KAZN: variants seen among roughly 807,000 people sequenced by gnomAD.
The protein encoded by KAZN is kazrin, periplakin interacting protein, also known as kazrin.
In KAZN, 40 loss-of-function variants were observed where a neutral mutation model predicts 87.4. The observed-to-expected ratio is 0.46, with a 90% CI of 0.36 to 0.60. KAZN has a LOEUF of 0.60. Among genes scored for constraint, KAZN ranks in the 20% least tolerant of loss-of-function variants. The pLI, the probability that KAZN is intolerant of heterozygous loss-of-function variation, is 0.00. For missense variants in KAZN, 898 were observed against 1,073.9 expected (o/e 0.84, Z 2.29); for synonymous variants, 466 against 458.3 (o/e 1.02, Z -0.22).
chr1:14,847,768 G>C (rs1648957510), intron 1 of KAZN, among the ~76,000 whole-genome samples: 1 of 152,222 alleles, frequency 6.6e-6, no homozygotes, highest in Non-Finnish European at 1.5e-5. Flanking sequence ...ATCAGTTGAG[G>C]CCAGGAGTTG....
At chr1:15,065,027 C>CTTTCTT (rs1553183916) in intron 7 of KAZN, among the ~76,000 whole-genome samples, 6 of 102,736 alleles carry the variant, frequency 5.8e-5, no homozygotes, top group African/African-American at 2.3e-4. Flanking sequence ...CTTTTTCTTT[C>CTTTCTT]TTTTTTTTTT....
At chr1:14,984,518 C>G (rs923212404) in intron 2 of KAZN, among the ~76,000 whole-genome samples, 1 of 152,076 alleles carries the variant, frequency 6.6e-6, no homozygotes, top group African/African-American at 2.4e-5. Flanking sequence ...TCATTATGCT[C>G]TTTTGATGGT....
chr1:14,487,539 A>G (rs1242427150), intron 2 of KAZN, among the ~76,000 whole-genome samples: 2 of 152,220 alleles, frequency 1.3e-5, no homozygotes, highest in Non-Finnish European at 2.9e-5. Context: ...AAGAGGAGAG[A>G]TGAAGAAATT....
intron 1 of KAZN, among the ~76,000 whole-genome samples, chr1:14,839,381 G>T (rs1240003759): frequency 6.6e-6 from 1 of 152,138 alleles, no homozygotes; most frequent in Non-Finnish European, 1.5e-5. Context: ...GGTAATACAA[G>T]TCAAACACCT....
intron 1 of KAZN, among the ~76,000 whole-genome samples, chr1:13,896,195 G>C (rs1303938342): frequency 2.0e-5 from 3 of 152,052 alleles, no homozygotes; most frequent in Non-Finnish European, 4.4e-5. Flanking sequence ...AATATTGTTG[G>C]CTTTATAGTC....
At chr1:14,437,390 C>T (rs963530087) in intron 2 of KAZN, among the ~76,000 whole-genome samples, 3 of 152,178 alleles carry the variant, frequency 2.0e-5, no homozygotes, top group Admixed American at 6.5e-5. Flanking sequence ...TTCAAGTCCT[C>T]GCTGAGGCTG....
intron 1 of KAZN, among the ~76,000 whole-genome samples, chr1:14,155,838 TG>T (rs1645581454): frequency 6.6e-6 from 1 of 151,996 alleles, no homozygotes; most frequent in Non-Finnish European, 1.5e-5. Flanking sequence ...TTAGTAGAGA[TG>T]GGGTTTCACC....
At chr1:13,950,761 C>T (rs1321092307) in intron 1 of KAZN, among the ~76,000 whole-genome samples, 1 of 152,192 alleles carries the variant, frequency 6.6e-6, no homozygotes, top group Non-Finnish European at 1.5e-5. Context: ...TCTTTGACTT[C>T]TCTATGTGCC....
At chr1:14,607,923 C>T (rs766786538) in intron 1 of KAZN, among the ~76,000 whole-genome samples, 10 of 152,206 alleles carry the variant, frequency 6.6e-5, no homozygotes, top group Non-Finnish European at 8.8e-5. Flanking sequence ...GTGATGAGCT[C>T]AACAAACATT....
chr1:13,952,540 A>G (rs1177700991), intron 1 of KAZN, among the ~76,000 whole-genome samples: 1 of 151,902 alleles, frequency 6.6e-6, no homozygotes, highest in Non-Finnish European at 1.5e-5. Flanking sequence ...TTTTGGCTTT[A>G]TTGACTCAGG....
intron 2 of KAZN, among the ~76,000 whole-genome samples, chr1:14,254,872 C>T (rs879431265): frequency 2.6e-5 from 4 of 152,058 alleles, no homozygotes; most frequent in Non-Finnish European, 2.9e-5. Flanking sequence ...CCTGTAATCC[C>T]AGCACTTTGG....
At chr1:14,419,265 A>G (rs1180739648) in intron 2 of KAZN, among the ~76,000 whole-genome samples, 1 of 152,186 alleles carries the variant, frequency 6.6e-6, no homozygotes, top group Non-Finnish European at 1.5e-5. Flanking sequence ...AGAGAAATTC[A>G]GTGACTTTCC....
chr1:14,308,534 C>G (rs1046196755), intron 2 of KAZN, among the ~76,000 whole-genome samples: 1 of 152,096 alleles, frequency 6.6e-6, no homozygotes, highest in African/African-American at 2.4e-5. Flanking sequence ...TCAGTTATAT[C>G]AAAATTAAAA....
intron 2 of KAZN, among the ~76,000 whole-genome samples, chr1:14,199,203 T>G (rs1646589406): frequency 6.6e-6 from 1 of 152,216 alleles, no homozygotes; most frequent in Non-Finnish European, 1.5e-5. Flanking sequence ...CCATGACTTC[T>G]AAGCCCCTAT....
intron 2 of KAZN, among the ~76,000 whole-genome samples, chr1:14,399,373 A>G (rs943919): frequency 0.15 from 23,006 of 152,092 alleles, 1,881 homozygotes; most frequent in East Asian, 0.23. Context: ...TAAATAATCT[A>G]TTTGCTGCTT....
At chr1:14,319,726 G>T (rs563089652) in intron 2 of KAZN, among the ~76,000 whole-genome samples, 2 of 152,248 alleles carry the variant, frequency 1.3e-5, no homozygotes, top group South Asian at 2.1e-4. Flanking sequence ...TTGTCTCAGG[G>T]ATCACAGATC....
intron 1 of KAZN, among the ~76,000 whole-genome samples, chr1:14,805,256 T>C (rs1472765872): frequency 6.6e-6 from 1 of 152,176 alleles, no homozygotes; most frequent in Non-Finnish European, 1.5e-5. Flanking sequence ...AGATTCCTTC[T>C]GCTTTGTTGC....
chr1:15,037,746 C>T (rs1557740794), intron 3 of KAZN, among the ~76,000 whole-genome samples: 1 of 152,098 alleles, frequency 6.6e-6, no homozygotes, highest in South Asian at 2.1e-4. Context: ...AACGAAGGCC[C>T]CGGGTGGGCA....
chr1:14,116,434 C>T (rs1306788442), intron 1 of KAZN, among the ~76,000 whole-genome samples: 9 of 152,204 alleles, frequency 5.9e-5, no homozygotes, highest in South Asian at 2.1e-4. Context: ...AGCCTCAAGC[C>T]ATGGCAACTT....
Sources: gnomAD v4.1 joint callset for allele counts (sites outside exome capture counted in the v4.1 genomes callset) on GRCh38, gnomAD v4.1.1 for gene constraint, MANE v1.5 for transcripts, NCBI Gene and HGNC (gene_info 2026-07-23, HGNC 2026-07-21) for gene names.